NYAP2: variants seen among roughly 807,000 people sequenced by gnomAD.
NYAP2 encodes the protein neuronal tyrosine-phosphorylated phosphoinositide-3-kinase adapter 2.
Under a neutral mutation model 50.4 loss-of-function variants are expected in NYAP2, and 23 were observed. That is an observed-to-expected ratio of 0.46 (90% CI 0.33 to 0.65). The LOEUF (loss-of-function observed/expected upper bound fraction) is 0.65, where lower values mean the gene tolerates loss of function less well. NYAP2 is among the 30% of genes least tolerant of loss of function. The probability of loss-of-function intolerance (pLI) is 0.02; values close to 1 mark genes in which losing one functional copy is unlikely to be tolerated. For missense variants in NYAP2, 885 were observed against 861.0 expected (o/e 1.03, Z -0.35); for synonymous variants, 394 against 365.2 (o/e 1.08, Z -0.90).
At chr2:225,590,947 T>G (rs1351612722) in intron 5 of NYAP2, among the ~76,000 whole-genome samples, 2 of 152,186 alleles carry the variant, frequency 1.3e-5, no homozygotes, top group Non-Finnish European at 2.9e-5. Context: ...TCAGAATTCC[T>G]CAATATCTGA....
chr2:225,662,947 A>T, the NYAP2 span, among the ~76,000 whole-genome samples: 7 of 152,214 alleles, frequency 4.6e-5, no homozygotes, highest in African/African-American at 1.7e-4. Context: ...GCCTCGCGGA[A>T]TTTCCAAGTA....
chr2:225,417,982 G>A (rs1574604341), intron 3 of NYAP2, among the ~76,000 whole-genome samples: 1 of 151,548 alleles, frequency 6.6e-6, no homozygotes, highest in African/African-American at 2.4e-5. Context: ...TATAGAGTAA[G>A]TGCAAATGTA....
At chr2:225,562,197 G>T (rs1482773278) in intron 4 of NYAP2, among the ~76,000 whole-genome samples, 2 of 152,096 alleles carry the variant, frequency 1.3e-5, no homozygotes, top group African/African-American at 4.8e-5. Context: ...TTCACTGGGG[G>T]AAAGAACAGT....
chr2:225,665,868 G>C, the NYAP2 span, among the ~76,000 whole-genome samples: 1 of 138,098 alleles, frequency 7.2e-6, no homozygotes, highest in African/African-American at 2.7e-5. Context: ...GGAGGTAAGT[G>C]AGGCAAACGA....
At chr2:225,537,474 G>A (rs1691371998) in intron 4 of NYAP2, among the ~76,000 whole-genome samples, 6 of 152,162 alleles carry the variant, frequency 3.9e-5, no homozygotes, top group Admixed American at 3.9e-4. Flanking sequence ...TCACTTGGTG[G>A]CAGATAAGAC....
intron 4 of NYAP2, among the ~76,000 whole-genome samples, chr2:225,579,512 G>A (rs1692233808): frequency 6.6e-6 from 1 of 152,236 alleles, no homozygotes; most frequent in Admixed American, 6.5e-5. Context: ...AGATATAGAG[G>A]GGCTTTATTT....
the NYAP2 span, among the ~76,000 whole-genome samples, chr2:225,690,929 G>C: frequency 5.3e-5 from 8 of 151,912 alleles, no homozygotes; most frequent in Admixed American, 3.3e-4. Context: ...TTATTTTAAG[G>C]GTCAAATGAT....
the NYAP2 span, chr2:225,703,030 T>C: frequency 2.3e-4 from 35 of 151,778 alleles, no homozygotes; most frequent in African/African-American, 7.7e-4. Flanking sequence ...TTAACATTTA[T>C]AGTGTAGCAA....
At chr2:225,458,822 G>A (rs1416677225) in intron 3 of NYAP2, among the ~76,000 whole-genome samples, 1 of 152,222 alleles carries the variant, frequency 6.6e-6, no homozygotes, top group Non-Finnish European at 1.5e-5. Context: ...AAGAAGCTGT[G>A]TTGGTTTTAA....
chr2:225,540,216 A>G (rs1232538378), intron 4 of NYAP2, among the ~76,000 whole-genome samples: 1 of 152,204 alleles, frequency 6.6e-6, no homozygotes, highest in East Asian at 1.9e-4. Flanking sequence ...CCTGTTACCC[A>G]GTTCCAAAGT....
At chr2:225,677,956 C>T in the NYAP2 span, among the ~76,000 whole-genome samples, 390 of 152,138 alleles carry the variant, frequency 2.6e-3, 3 homozygotes, top group Non-Finnish European at 4.4e-3. Context: ...AACTCCTCCT[C>T]CTTGAATTTT....
intron 3 of NYAP2, among the ~76,000 whole-genome samples, chr2:225,450,020 T>A (rs1173678342): frequency 1.3e-5 from 2 of 152,136 alleles, no homozygotes; most frequent in African/African-American, 4.8e-5. Context: ...AGGTAGTATG[T>A]CTCCTGAGGA....
At chr2:225,610,706 A>G (rs1692866969) in intron 5 of NYAP2, among the ~76,000 whole-genome samples, 1 of 152,156 alleles carries the variant, frequency 6.6e-6, no homozygotes, top group Non-Finnish European at 1.5e-5. Flanking sequence ...CCATACATTC[A>G]TAGTTTTCAA....
chr2:225,686,166 C>G, the NYAP2 span, among the ~76,000 whole-genome samples: 1 of 152,104 alleles, frequency 6.6e-6, no homozygotes, highest in African/African-American at 2.4e-5. Flanking sequence ...AGAACATGTG[C>G]TAAATCATAT....
At chr2:225,472,890 T>C (rs1213316403) in intron 3 of NYAP2, among the ~76,000 whole-genome samples, 2 of 152,218 alleles carry the variant, frequency 1.3e-5, no homozygotes, top group Admixed American at 6.5e-5. Context: ...ACATGTGCCA[T>C]GTTGGTGTGC....
intron 5 of NYAP2, among the ~76,000 whole-genome samples, chr2:225,610,621 C>T (rs1692865316): frequency 6.6e-6 from 1 of 152,114 alleles, no homozygotes; most frequent in Non-Finnish European, 1.5e-5. Context: ...TCTCCCAAAA[C>T]TATGGGATAG....
At chr2:225,467,317 A>G (rs4674993) in intron 3 of NYAP2, among the ~76,000 whole-genome samples, 31,408 of 151,992 alleles carry the variant, frequency 0.21, 3,729 homozygotes, top group East Asian at 0.5. Flanking sequence ...GGTTTTTCCT[A>G]CCTATTGGGA....
At chr2:225,496,172 G>T (rs796123569) in intron 3 of NYAP2, among the ~76,000 whole-genome samples, 3 of 152,280 alleles carry the variant, frequency 2.0e-5, no homozygotes, top group Non-Finnish European at 2.9e-5. Context: ...GGTTGAAAAC[G>T]CAAAGGAAGC....
the NYAP2 span, among the ~76,000 whole-genome samples, chr2:225,685,335 T>TA: frequency 2.0e-5 from 3 of 152,198 alleles, no homozygotes; most frequent in Non-Finnish European, 4.4e-5. Context: ...TTAATGCTAA[T>TA]ATAAATGATT....
Sources: gnomAD v4.1 joint callset for allele counts (sites outside exome capture counted in the v4.1 genomes callset) on GRCh38, gnomAD v4.1.1 for gene constraint, MANE v1.5 for transcripts, NCBI Gene and HGNC (gene_info 2026-07-23, HGNC 2026-07-21) for gene names.